Variants in PIK3CD observed in about 807,000 individuals in gnomAD.
The protein encoded by PIK3CD is phosphatidylinositol 4,5-bisphosphate 3-kinase catalytic subunit delta isoform.
Under a neutral mutation model 122.9 loss-of-function variants are expected in PIK3CD, and 20 were observed. That is an observed-to-expected ratio of 0.16 (90% CI 0.11 to 0.24). PIK3CD has a LOEUF of 0.24. Ranked by LOEUF, PIK3CD falls within the 10% of genes least tolerant of loss-of-function variation. The pLI is 1.00. For missense variants in PIK3CD, 787 were observed against 1,406.3 expected, an observed-to-expected ratio of 0.56 and a Z score of 7.04; for synonymous variants, 596 against 593.4, an observed-to-expected ratio of 1.00 and a Z score of -0.06.
rs1351059628 is a variant in PIK3CD at position 9,727,713 on chromosome 1, G to A, written c.*667G>A. 4.2e-5 allele frequency: 9 copies of A among 212,484 alleles called. No individual in the cohort carries two copies. Among genetic ancestry groups the A allele is most frequent in the Non-Finnish European group, 7.6e-5 (8 of 104,788 alleles). 13.2% of individuals were successfully genotyped at this position (212,484 alleles called of 1,614,324 possible). On this transcript the variant is annotated 3_prime_UTR_variant, in exon 24 of 24. Coordinates refer to ENST00000377346, the MANE Select transcript of PIK3CD (RefSeq NM_005026.5). ...GAGAATCTACGCTGGTCCTCAGGACGTGTTAAAGAGATCTGGGCCTCATGT... is the reference window on the plus strand; with the variant it reads ...GAGAATCTACGCTGGTCCTCAGGACATGTTAAAGAGATCTGGGCCTCATGT...
intron 1 of PIK3CD, among the ~76,000 whole-genome samples, chr1:9,688,783 G>A (rs532100864): frequency 1.3e-5 from 2 of 152,028 alleles, no homozygotes; most frequent in South Asian, 4.2e-4. Flanking sequence ...AGCTATGATC[G>A]CACCACTGCA....
intron 1 of PIK3CD, among the ~76,000 whole-genome samples, chr1:9,670,150 C>CAAAAAAAAAAAAAAAAAAA (rs375500599): frequency 1.7e-5 from 1 of 60,310 alleles, no homozygotes; most frequent in Non-Finnish European, 3.9e-5. Flanking sequence ...AATTCCACCT[C>CAAAAAAAAAAAAAAAAAAA]AAAAAAAAAA....
intron 2 of PIK3CD, among the ~76,000 whole-genome samples, chr1:9,692,200 C>A (rs61783040): frequency 6.6e-6 from 1 of 152,196 alleles, no homozygotes; most frequent in South Asian, 2.1e-4. Context: ...GGCTTGGGAG[C>A]TCCATGACTG....
At chr1:9,668,398 C>T (rs1645226178) in intron 1 of PIK3CD, among the ~76,000 whole-genome samples, 2 of 151,160 alleles carry the variant, frequency 1.3e-5, no homozygotes, top group Non-Finnish European at 2.9e-5. Context: ...TGAACATCAC[C>T]TTCCACATAG....
chr1:9,628,249 C>G, the PIK3CD span, among the ~76,000 whole-genome samples: 1 of 152,120 alleles, frequency 6.6e-6, no homozygotes, highest in Non-Finnish European at 1.5e-5. Context: ...TTGCAGTGAG[C>G]CAAGATTGTG....
the PIK3CD span, among the ~76,000 whole-genome samples, chr1:9,634,635 G>A: frequency 6.6e-6 from 1 of 152,282 alleles, no homozygotes; most frequent in African/African-American, 2.4e-5. Flanking sequence ...TGAGTCCCAT[G>A]AGGTCACTGA....
At chr1:9,654,358 T>A in intron 1 of PIK3CD, 1 of 1,367,618 alleles carries the variant, frequency 7.3e-7, no homozygotes, top group Non-Finnish European at 9.8e-7. Flanking sequence ...TCCGATACCA[T>A]GTTTAGCAAG....
At chr1:9,692,315 C>T (rs1646226989) in intron 2 of PIK3CD, among the ~76,000 whole-genome samples, 1 of 152,184 alleles carries the variant, frequency 6.6e-6, no homozygotes, top group Non-Finnish European at 1.5e-5. Context: ...TGGAAAGGGG[C>T]AGGGGTTAGA....
chr1:9,641,135 G>A, the PIK3CD span, among the ~76,000 whole-genome samples: 1 of 152,150 alleles, frequency 6.6e-6, no homozygotes, highest in African/African-American at 2.4e-5. Context: ...TAAACTCCAG[G>A]GGGTTGCGGG....
intron 2 of PIK3CD, among the ~76,000 whole-genome samples, chr1:9,707,973 T>C (rs553835764): frequency 5.5e-4 from 83 of 151,484 alleles, no homozygotes; most frequent in African/African-American, 2.0e-3. Context: ...TTTTTGTATT[T>C]TTAGTAGAGA....
intron 2 of PIK3CD, among the ~76,000 whole-genome samples, chr1:9,706,095 A>G (rs1426243416): frequency 2.7e-5 from 3 of 110,242 alleles, no homozygotes; most frequent in African/African-American, 7.5e-5. Flanking sequence ...GAGTTTTGCC[A>G]TGTTGCTCAG....
Position 9,710,852 on chromosome 1 carries a change from C to G in PIK3CD, c.141+256C>G, listed in dbSNP as rs769994554. Among the ~76,000 whole-genome samples the G allele has an allele frequency of 6.6e-6, 1 of 152,208 alleles. No individual in the cohort carries two copies. The highest frequency in any genetic ancestry group is 1.5e-5 in the Non-Finnish European group (1 of 68,048). ...CCAGGCTGGTGTGCAATGGCGCAATCTCGGCTCACTGCAACCTCCAACTCC... is the reference window on the plus strand; with the variant it reads ...CCAGGCTGGTGTGCAATGGCGCAATGTCGGCTCACTGCAACCTCCAACTCC... On this transcript the variant is annotated intron_variant, in intron 3 of 23. Coordinates refer to ENST00000377346, the MANE Select transcript of PIK3CD (RefSeq NM_005026.5). This position sits in a 1 kb window ranked among gnomAD's most constrained non-coding sequence, Gnocchi z 4.7.
At position 9,727,827 on chromosome 1, in the gene PIK3CD, T is replaced by TG. The variant is rs377157285; in HGVS notation, c.*785dup. ...AAAAATCTTTTTTTTTTTTTTGAGA[T>TG]GGGGTCTTCCTCTGTTGCCCAGGCT... On this transcript the variant is annotated 3_prime_UTR_variant, in exon 24 of 24. Coordinates refer to ENST00000377346, the MANE Select transcript of PIK3CD (RefSeq NM_005026.5). 2.0e-4 allele frequency: 36 copies of TG among 181,198 alleles called. No individual in the cohort carries two copies. Among genetic ancestry groups the TG allele is most frequent in the South Asian group, 1.8e-3 (9 of 4,940 alleles). 11.2% of individuals were successfully genotyped at this position (181,198 alleles called of 1,614,324 possible). A position where few individuals can be genotyped will look rare whatever the true frequency, so the allele number is the denominator to read the frequency against.
Position 9,715,417 on chromosome 1 carries a change from T to A in PIK3CD, c.142-124T>A. On this transcript the variant is annotated intron_variant, in intron 3 of 23. Coordinates refer to ENST00000377346, the MANE Select transcript of PIK3CD (RefSeq NM_005026.5). The surrounding 1 kb of genome is among the most constrained non-coding windows in gnomAD (Gnocchi z 4.1). ...GCTGCAGAGAGTGCAGATCTTGGGGTCTGCCTCTGCCCTCTGGGAGGTTTG... is the reference window on the plus strand; with the variant it reads ...GCTGCAGAGAGTGCAGATCTTGGGGACTGCCTCTGCCCTCTGGGAGGTTTG... 1.4e-6 allele frequency: 1 copy of A among 713,186 alleles called. No homozygotes were observed. Among genetic ancestry groups the A allele is most frequent in the Non-Finnish European group, 2.4e-6 (1 of 414,292 alleles). 44.2% of individuals were successfully genotyped at this position (713,186 alleles called of 1,614,324 possible). A position where few individuals can be genotyped will look rare whatever the true frequency, so the allele number is the denominator to read the frequency against.
chr1:9,671,098 C>T (rs926181254), intron 1 of PIK3CD, among the ~76,000 whole-genome samples: 1 of 150,784 alleles, frequency 6.6e-6, no homozygotes, highest in Admixed American at 6.6e-5. Context: ...ACTCTACTGT[C>T]CAGGGGCTGG....
intron 3 of PIK3CD, among the ~76,000 whole-genome samples, chr1:9,713,333 C>A (rs2100811952): frequency 6.6e-6 from 1 of 152,114 alleles, no homozygotes; most frequent in South Asian, 2.1e-4. Flanking sequence ...AGAGTGAAAC[C>A]CCGTCTGTAA....
In PIK3CD at chr1:9,727,302, T is replaced by C. The variant is rs564383671; in HGVS notation, c.*256T>C. The C allele has an allele frequency of 2.9e-4, 158 of 538,324 alleles. 2 individuals are homozygous for C. The East Asian group carries it at 3.2e-3, about 11-fold the overall frequency. The allele number at this position is 538,324 out of a possible 1,614,324, so 33.3% of individuals were successfully genotyped here. A position where few individuals can be genotyped will look rare whatever the true frequency, so the allele number is the denominator to read the frequency against. ...GCTGCACCTGGCTCTCGGCTGAGGA[T>C]TGTCACCCCAAGTCTTCCAGCTGGT... On this transcript the variant is annotated 3_prime_UTR_variant, in exon 24 of 24. Transcript: ENST00000377346.
In PIK3CD at chr1:9,720,656, G is replaced by C; in HGVS notation, c.1516G>C (p.Glu506Gln). 6.5e-7 allele frequency: 1 copy of C among 1,535,466 alleles called. No individual in the cohort carries two copies. The highest frequency in any genetic ancestry group is 8.8e-7 in the Non-Finnish European group (1 of 1,141,412). The change falls in exon 12 of 24, where the codon GAG becomes CAG. Residue 506 changes from glutamate to glutamine, a missense_variant. Physicochemically the swap from Glu to Gln is conservative, Grantham distance 29 (BLOSUM62 2). Coordinates refer to ENST00000377346, the MANE Select transcript of PIK3CD (RefSeq NM_005026.5). This position sits in a 1 kb window ranked among gnomAD's most constrained non-coding sequence, Gnocchi z 9.0. Reference protein sequence around the residue: ...RHSECVHVTEEEQLQLREILE... With the variant: ...RHSECVHVTEQEQLQLREILE... ...CAGCGAGTGTGTGCATGTCACCGAG[G>C]AGGAGGTGAGTGGGGTGGGGGTGTG...
chr1:9,645,146 C>T, the PIK3CD span, among the ~76,000 whole-genome samples: 5 of 151,294 alleles, frequency 3.3e-5, no homozygotes, highest in Non-Finnish European at 7.4e-5. Flanking sequence ...CTGCCTCAAC[C>T]GGTAGCTGGG....
Sources: gnomAD v4.1 joint callset for allele counts (sites outside exome capture counted in the v4.1 genomes callset) on GRCh38, gnomAD v4.1.1 for gene constraint, Gnocchi (gnomAD v3.1) non-coding constraint, MANE v1.5 for transcripts, NCBI Gene and HGNC (gene_info 2026-07-23, HGNC 2026-07-21) for gene names.